Variants in NBAS observed in about 807,000 individuals in gnomAD.
The protein encoded by NBAS is NAG/BC035112 fusion.
In NBAS, 219 loss-of-function variants were observed where a neutral mutation model predicts 302.5. The ratio of observed to expected loss-of-function variants is 0.72; its 90% CI spans 0.65 to 0.81. The LOEUF (loss-of-function observed/expected upper bound fraction) is 0.81. Ranked by LOEUF, NBAS falls within the 30% of genes least tolerant of loss-of-function variation. The pLI is 0.00. For missense variants in NBAS, 2,932 were observed against 2,841.6 expected, an observed-to-expected ratio of 1.03 and a Z score of -0.72; for synonymous variants, 1,118 against 1,021.6, an observed-to-expected ratio of 1.09 and a Z score of -1.80.
chr2:15,517,666 T>C (rs1269023895), intron 9 of NBAS, among the ~76,000 whole-genome samples: 5 of 150,456 alleles, frequency 3.3e-5, no homozygotes. Context: ...AATAAACCTA[T>C]TGTAAATGGA....
At chr2:15,363,539 A>T (rs971727501) in intron 32 of NBAS, among the ~76,000 whole-genome samples, 3 of 152,244 alleles carry the variant, frequency 2.0e-5, no homozygotes, top group African/African-American at 7.2e-5. Flanking sequence ...ACAGAATATG[A>T]GTAAAGGATT....
At chr2:15,389,537 T>G (rs908026377) in intron 28 of NBAS, among the ~76,000 whole-genome samples, 1 of 152,188 alleles carries the variant, frequency 6.6e-6, no homozygotes, top group African/African-American at 2.4e-5. Flanking sequence ...GTCATCTGAT[T>G]CCCGAGTCAA....
the NBAS span, among the ~76,000 whole-genome samples, chr2:15,091,493 TGC>T: frequency 6.6e-6 from 1 of 152,156 alleles, no homozygotes; most frequent in Admixed American, 6.6e-5. Context: ...TGGCTTGCTT[TGC>T]TTTGTTGTTT....
intron 48 of NBAS, among the ~76,000 whole-genome samples, chr2:15,205,478 TA>T (rs35089833): frequency 6.7e-6 from 1 of 149,070 alleles, no homozygotes; most frequent in Non-Finnish European, 1.5e-5. Flanking sequence ...TTGAATAAAT[TA>T]AAAAAAAAAC....
At chr2:15,468,588 C>T in intron 16 of NBAS, 55 bp from the exon 17 acceptor site, 3 of 1,575,370 alleles carry the variant, frequency 1.9e-6, no homozygotes, top group South Asian at 1.1e-5. Context: ...TCTTACAACA[C>T]ATTACAACTG....
At chr2:14,785,675 T>G in the NBAS span, among the ~76,000 whole-genome samples, 1 of 152,236 alleles carries the variant, frequency 6.6e-6, no homozygotes, top group Non-Finnish European at 1.5e-5. Context: ...GAAGCCCACT[T>G]GATCATGGTG....
chr2:15,401,890 G>A (rs906139104), intron 26 of NBAS, among the ~76,000 whole-genome samples: 2 of 129,238 alleles, frequency 1.5e-5, no homozygotes, highest in African/African-American at 5.8e-5. Context: ...TGTGGAGATC[G>A]TGGTGGTATT....
intron 40 of NBAS, among the ~76,000 whole-genome samples, chr2:15,295,304 A>G (rs575737621): frequency 1.3e-5 from 2 of 152,336 alleles, no homozygotes; most frequent in Admixed American, 1.3e-4. Flanking sequence ...TGTAATCTGC[A>G]GAAAGTTTTG....
intron 51 of NBAS, among the ~76,000 whole-genome samples, chr2:15,170,205 G>A (rs1422879989): frequency 1.3e-5 from 2 of 152,192 alleles, no homozygotes; most frequent in African/African-American, 2.4e-5. Flanking sequence ...GTTAACGCCT[G>A]CGGCCGCTGC....
At chr2:14,796,742 T>C in the NBAS span, among the ~76,000 whole-genome samples, 1 of 151,854 alleles carries the variant, frequency 6.6e-6, no homozygotes, top group Non-Finnish European at 1.5e-5. Context: ...CTTCTATTCC[T>C]GTTTGCCTGC....
At chr2:15,456,632 A>T (rs1158118714) in intron 21 of NBAS, among the ~76,000 whole-genome samples, 2 of 152,250 alleles carry the variant, frequency 1.3e-5, no homozygotes, top group African/African-American at 4.8e-5. Context: ...CTTTCCAGGC[A>T]ATATTCTAAC....
the NBAS span, among the ~76,000 whole-genome samples, chr2:14,964,296 G>T: frequency 2.7e-4 from 41 of 152,184 alleles, no homozygotes; most frequent in African/African-American, 9.6e-4. Context: ...TATCTAAAAA[G>T]TTAGAGACAT....
chr2:15,218,316 T>C (rs1457982074), intron 48 of NBAS, among the ~76,000 whole-genome samples: 1 of 148,530 alleles, frequency 6.7e-6, no homozygotes, highest in Non-Finnish European at 1.5e-5. Context: ...TTGTACATAT[T>C]CAAGTACTAA....
At chr2:15,290,055 G>C (rs1230048916) in intron 41 of NBAS, among the ~76,000 whole-genome samples, 1 of 149,964 alleles carries the variant, frequency 6.7e-6, no homozygotes, top group East Asian at 2.0e-4. Flanking sequence ...AGGGGAGAGG[G>C]GACAGAGGAG....
chr2:15,312,961 A>G (rs897043784), intron 38 of NBAS, among the ~76,000 whole-genome samples: 1 of 152,190 alleles, frequency 6.6e-6, no homozygotes, highest in Non-Finnish European at 1.5e-5. Context: ...GCTCTACCTG[A>G]TGCCTTCAGT....
chr2:14,827,347 T>C, the NBAS span, among the ~76,000 whole-genome samples: 45 of 152,362 alleles, frequency 3.0e-4, no homozygotes, highest in South Asian at 9.1e-3. Flanking sequence ...GTTTTGATTT[T>C]AGATACATAT....
the NBAS span, among the ~76,000 whole-genome samples, chr2:15,082,179 T>G: frequency 6.6e-6 from 1 of 152,210 alleles, no homozygotes; most frequent in Non-Finnish European, 1.5e-5. Flanking sequence ...ATGAGTACCC[T>G]GTCATGCCCA....
At chr2:15,347,758 T>C (rs1006300001) in intron 35 of NBAS, among the ~76,000 whole-genome samples, 1 of 152,176 alleles carries the variant, frequency 6.6e-6, no homozygotes, top group African/African-American at 2.4e-5. Flanking sequence ...TAGAATACTG[T>C]TCCATCTAAA....
chr2:15,542,979 A>G (rs925895308), intron 6 of NBAS, among the ~76,000 whole-genome samples: 1 of 152,270 alleles, frequency 6.6e-6, no homozygotes, highest in Non-Finnish European at 1.5e-5. Context: ...AAGATTTCAT[A>G]TAACAATGTG....
Sources: allele counts gnomAD v4.1 joint callset (sites outside exome capture counted in the v4.1 genomes callset), GRCh38; gene constraint gnomAD v4.1.1; transcripts MANE v1.5; gene names NCBI Gene and HGNC (gene_info 2026-07-23, HGNC 2026-07-21).